SLC7A7: variants seen among roughly 807,000 people sequenced by gnomAD.
The protein encoded by SLC7A7 is Y+L amino acid transporter 1.
A neutral mutation model predicts 47.9 loss-of-function variants in SLC7A7; 39 were observed. That is an observed-to-expected ratio of 0.81 (90% CI 0.63 to 1.06). The LOEUF is 1.06. Ranked by LOEUF, SLC7A7 falls within the 50% of genes least tolerant of loss-of-function variation. The pLI is 0.00. For synonymous variants in SLC7A7, 234 were observed against 242.8 expected (o/e 0.96, Z 0.34); for missense variants, 588 against 632.0 (o/e 0.93, Z 0.75).
intron 2 of SLC7A7, among the ~76,000 whole-genome samples, chr14:22,807,927 T>C (rs1161354968): frequency 6.6e-6 from 1 of 152,196 alleles, no homozygotes; most frequent in Non-Finnish European, 1.5e-5. Context: ...TTTGGGAAGC[T>C]GAGGCGGGCA....
chr14:22,806,276 A>G (rs1308472236), intron 2 of SLC7A7, among the ~76,000 whole-genome samples: 1 of 134,460 alleles, frequency 7.4e-6, no homozygotes, highest in African/African-American at 2.8e-5. Flanking sequence ...GCTCACTGCA[A>G]CCTCCACCTC....
chr14:22,782,423 T>TA (rs397852163), intron 2 of SLC7A7, among the ~76,000 whole-genome samples: 1 of 149,664 alleles, frequency 6.7e-6, no homozygotes, highest in Non-Finnish European at 1.5e-5. Context: ...TATTTTTTTT[T>TA]ATTTACTTAT....
intron 2 of SLC7A7, among the ~76,000 whole-genome samples, chr14:22,799,589 G>T (rs1286491259): frequency 6.6e-6 from 1 of 151,070 alleles, no homozygotes; most frequent in Non-Finnish European, 1.5e-5. Flanking sequence ...AGAGTAGCTG[G>T]GACTACAGGT....
chr14:22,807,401 T>C (rs1038442097), intron 2 of SLC7A7, among the ~76,000 whole-genome samples: 1 of 152,066 alleles, frequency 6.6e-6, no homozygotes, highest in East Asian at 1.9e-4. Flanking sequence ...CTAGTCCCCA[T>C]ACCCCTGCTT....
intron 2 of SLC7A7, chr14:22,780,442 G>A (rs1345586572): frequency 3.8e-6 from 1 of 265,554 alleles, no homozygotes; most frequent in Non-Finnish European, 7.4e-6. Context: ...ATGGGCTCCA[G>A]GACACAGCAC....
In SLC7A7 at chr14:22,775,826, C is replaced by A; in HGVS notation, c.998+7G>T. On this transcript the variant is annotated splice_region_variant and intron_variant, in intron 6 of 9. Coordinates refer to ENST00000674313, the MANE Select transcript of SLC7A7 (RefSeq NM_003982.4). ...GATACACCCCTCACAAAAGTTGCCA[C>A]TCTTACCTAGAAGCAGCCACAATGG... 2 of 1,610,630 alleles carry A rather than the reference C, an allele frequency of 1.2e-6. No individual in the cohort carries two copies. Among genetic ancestry groups the A allele is most frequent in the Non-Finnish European group, 1.7e-6 (2 of 1,176,764 alleles).
intron 2 of SLC7A7, among the ~76,000 whole-genome samples, chr14:22,790,198 G>A (rs188628537): frequency 1.1e-4 from 17 of 151,998 alleles, no homozygotes; most frequent in South Asian, 2.1e-4. Context: ...GCCTGGTGGC[G>A]TGCACCTGTA....
chr14:22,788,648 G>A (rs2038867376), intron 2 of SLC7A7, among the ~76,000 whole-genome samples: 2 of 150,446 alleles, frequency 1.3e-5, no homozygotes, highest in Non-Finnish European at 2.9e-5. Flanking sequence ...AGGTTGCAGT[G>A]AGCCAAGATC....
At chr14:22,786,956 T>C (rs1333635977) in intron 2 of SLC7A7, among the ~76,000 whole-genome samples, 1 of 152,136 alleles carries the variant, frequency 6.6e-6, no homozygotes, top group African/African-American at 2.4e-5. Context: ...AAAGTGATTT[T>C]TTCCCCCCAG....
At chr14:22,796,530 G>A (rs1465924765) in intron 2 of SLC7A7, among the ~76,000 whole-genome samples, 1 of 152,234 alleles carries the variant, frequency 6.6e-6, no homozygotes, top group Non-Finnish European at 1.5e-5. Flanking sequence ...GTGGCCACAT[G>A]TGTATGACAC....
chr14:22,774,049 C>G lies in SLC7A7; in HGVS notation c.1313G>C (p.Ser438Thr). Residue 438 changes from serine to threonine, a missense_variant, in exon 9 of 10, where the codon AGT (serine) becomes ACT (threonine). Coordinates refer to ENST00000674313, the MANE Select transcript of SLC7A7 (RefSeq NM_003982.4). ...GCCGATGAGGGAGTTGATAGTATCA[C>G]TGTAAAGTGGAACAGCCACCAGGAA... The part of the protein sequence containing the change: ...TIFLVAVPLY[S>T]DTINSLIGIA... 6.2e-7 allele frequency: 1 copy of G among 1,614,122 alleles called. No individual in the cohort carries two copies. The highest frequency in any genetic ancestry group is 2.2e-5 in the East Asian group (1 of 44,880).
chr14:22,781,444 TCTTCCTGAGAAGG>T (rs1014710680), intron 2 of SLC7A7, among the ~76,000 whole-genome samples: 1 of 152,144 alleles, frequency 6.6e-6, no homozygotes, highest in East Asian at 1.9e-4. Flanking sequence ...TCCTTTCTGC[TCTTCCTGAGAAGG>T]CACATTCCTG....
chr14:22,774,156 G>T, intron 8 of SLC7A7, 40 bp from the exon 9 acceptor site: 10 of 1,610,682 alleles, frequency 6.2e-6, no homozygotes, highest in South Asian at 1.1e-5. Context: ...GACAACTCAG[G>T]ATTCTTAACA....
chr14:22,785,591 G>A (rs1772956875), intron 2 of SLC7A7, among the ~76,000 whole-genome samples: 1 of 152,116 alleles, frequency 6.6e-6, no homozygotes, highest in Admixed American at 6.6e-5. Flanking sequence ...GGCCAGGCGT[G>A]GTGGCACATG....
In SLC7A7 at chr14:22,774,354, C is replaced by T; in HGVS notation, c.1245G>A (p.Lys415=). 2 of 1,614,102 alleles carry T rather than the reference C, an allele frequency of 1.2e-6. No individual in the cohort carries two copies. The highest frequency in any genetic ancestry group is 1.1e-5 in the South Asian group (1 of 91,072). Residue 415 remains lysine, a splice_region_variant and synonymous_variant, in exon 8 of 10, where the codon AAG becomes AAA. Coordinates refer to ENST00000674313, the MANE Select transcript of SLC7A7 (RefSeq NM_003982.4). ...CAGAGGTAGGATGGAGTTGCCTTAC[C>T]TTGAGGGGACGAGGTCGATCAGGCT... The part of the protein sequence containing the change: ...WKEPDRPRPL[K]LSVFFPIVFC...
chr14:22,818,231 G>A (rs1292301231), upstream of SLC7A7, among the ~76,000 whole-genome samples: 6 of 149,542 alleles, frequency 4.0e-5, no homozygotes, highest in African/African-American at 1.5e-4. Context: ...AGTCCTATCC[G>A]TGGAATTTTG....
intron 2 of SLC7A7, among the ~76,000 whole-genome samples, chr14:22,802,235 T>C (rs992659264): frequency 2.0e-5 from 3 of 152,114 alleles, no homozygotes; most frequent in Non-Finnish European, 2.9e-5. Context: ...AAACCCCATC[T>C]GTACTAAAAA....
At chr14:22,812,774 T>TATAC in intron 2 of SLC7A7, 126 bp downstream of exon 2, 1 of 102,576 alleles carries the variant, frequency 9.7e-6, no homozygotes, top group Non-Finnish European at 1.5e-5. Flanking sequence ...ATACTTTAAC[T>TATAC]ATATATATAT....
intron 9 of SLC7A7, 101 bp from the exon 10 acceptor site, chr14:22,773,817 C>T: frequency 1.3e-6 from 2 of 1,547,094 alleles, no homozygotes; most frequent in Non-Finnish European, 1.8e-6. Flanking sequence ...TTCCACTAAG[C>T]CGAAGGGTTC....
Sources: allele counts gnomAD v4.1 joint callset (sites outside exome capture counted in the v4.1 genomes callset), GRCh38; gene constraint gnomAD v4.1.1; transcripts MANE v1.5; gene names NCBI Gene and HGNC (gene_info 2026-07-23, HGNC 2026-07-21).